Variants in SPIN1 observed in about 807,000 individuals in gnomAD.
The protein encoded by SPIN1 is spindlin 1.
Under a neutral mutation model 26.0 loss-of-function variants are expected in SPIN1, and 3 were observed. The observed-to-expected ratio is 0.12, with a 90% confidence interval of 0.05 to 0.30. The LOEUF (loss-of-function observed/expected upper bound fraction) is 0.30, where lower values mean the gene tolerates loss of function less well. Among genes scored for constraint, SPIN1 ranks in the 10% least tolerant of loss-of-function variants. The pLI, the probability that SPIN1 is intolerant of heterozygous loss-of-function variation, is 1.00. For synonymous variants in SPIN1, 101 were observed against 116.5 expected (o/e 0.87, Z 0.86); for missense variants, 126 against 333.4 (o/e 0.38, Z 4.84).
At chr9:88,424,313 GTAT>G (rs2118015097) in intron 1 of SPIN1, among the ~76,000 whole-genome samples, 1 of 152,244 alleles carries the variant, frequency 6.6e-6, no homozygotes, top group Admixed American at 6.5e-5. Flanking sequence ...GCTGTGGGTA[GTAT>G]TGTTGAATGC....
At chr9:88,410,162 A>AGTGTGTGTGTGTGTGTGT (rs138037814) in intron 1 of SPIN1, among the ~76,000 whole-genome samples, 3 of 132,998 alleles carry the variant, frequency 2.3e-5, no homozygotes, top group African/African-American at 8.6e-5. Context: ...GCATATATTT[A>AGTGTGTGTGTGTGTGTGT]GTGTGTGTGT....
In SPIN1 at chr9:88,452,865, TAGG is replaced by T. The variant is rs200883129; in HGVS notation, c.101+3879_101+3881del. 1.1e-4 allele frequency among the ~76,000 whole-genome samples: 17 copies of T among 152,216 alleles called. No homozygotes were observed. In the East Asian group the frequency reaches 3.3e-3, roughly 29 times the overall value. ...TTCTAAAATCTACTGTAGCCCAGAG[TAGG>T]AGAATTGCTTTATTACAATACCAAA... On this transcript the variant is annotated intron_variant, in intron 3 of 5. Coordinates refer to ENST00000375859, the MANE Select transcript of SPIN1 (RefSeq NM_006717.3).
intron 2 of SPIN1, among the ~76,000 whole-genome samples, chr9:88,436,243 C>T (rs1475496137): frequency 6.6e-6 from 1 of 152,148 alleles, no homozygotes; most frequent in Non-Finnish European, 1.5e-5. Context: ...CTTTCTAGCT[C>T]AGTGTTGATG....
At position 88,474,577 on chromosome 9, in the gene SPIN1, G is replaced by A. The variant is rs3010863; in HGVS notation, c.590-501G>A. ...AAGGATTCACAGAGTAAAACCAATG[G>A]TACTTAGGCATTTTAAATGTGTGCC... On this transcript the variant is annotated intron_variant, in intron 5 of 5. Coordinates refer to ENST00000375859, the MANE Select transcript of SPIN1 (RefSeq NM_006717.3). Among the ~76,000 whole-genome samples, 1,262 of 152,258 alleles carry A rather than the reference G, an allele frequency of 8.3e-3. 11 individuals are homozygous for A. The highest frequency in any genetic ancestry group is 0.037 in the Middle Eastern group (11 of 294).
intron 5 of SPIN1, among the ~76,000 whole-genome samples, chr9:88,470,780 G>T (rs1278010889): frequency 6.6e-6 from 1 of 152,144 alleles, no homozygotes; most frequent in Non-Finnish European, 1.5e-5. Context: ...TTTTAGTGGA[G>T]ATGGGGTTTC....
intron 2 of SPIN1, among the ~76,000 whole-genome samples, chr9:88,441,585 C>A (rs994142945): frequency 6.6e-6 from 1 of 151,434 alleles, no homozygotes; most frequent in African/African-American, 2.4e-5. Context: ...TAGTGAGACC[C>A]CATCTCTATG....
At chr9:88,414,991 C>T (rs891480216) in intron 1 of SPIN1, among the ~76,000 whole-genome samples, 3 of 151,994 alleles carry the variant, frequency 2.0e-5, no homozygotes, top group African/African-American at 7.3e-5. Context: ...GCAACCTCCA[C>T]CTCCTGGGTT....
chr9:88,418,771 T>C (rs1013132337), intron 1 of SPIN1: 2 of 152,212 alleles, frequency 1.3e-5, no homozygotes, highest in African/African-American at 2.4e-5. Context: ...TGTTTATTTT[T>C]AAATAGGAAG....
intron 2 of SPIN1, among the ~76,000 whole-genome samples, chr9:88,430,132 CAA>C (rs1827838192): frequency 6.6e-6 from 1 of 151,950 alleles, no homozygotes; most frequent in African/African-American, 2.4e-5. Flanking sequence ...GAAAAATCAC[CAA>C]AAAAGGGTTT....
intron 2 of SPIN1, among the ~76,000 whole-genome samples, chr9:88,440,743 C>T (rs1828105392): frequency 6.6e-6 from 1 of 151,462 alleles, no homozygotes; most frequent in Non-Finnish European, 1.5e-5. Flanking sequence ...CCACGCCAAG[C>T]TATTTCTTGT....
intron 2 of SPIN1, among the ~76,000 whole-genome samples, chr9:88,441,712 C>T (rs1394095970): frequency 2.0e-5 from 3 of 151,100 alleles, no homozygotes; most frequent in Non-Finnish European, 2.9e-5. Context: ...GCCATAATCG[C>T]ACCACCGCAG....
At chr9:88,440,291 G>A (rs1828092801) in intron 2 of SPIN1, among the ~76,000 whole-genome samples, 1 of 147,722 alleles carries the variant, frequency 6.8e-6, no homozygotes, top group South Asian at 2.2e-4. Flanking sequence ...CCCTTCCTTA[G>A]CATATCAAGG....
chr9:88,395,312 C>CT (rs1358384500), intron 1 of SPIN1, among the ~76,000 whole-genome samples: 5 of 151,678 alleles, frequency 3.3e-5, no homozygotes, highest in African/African-American at 1.2e-4. Context: ...TTTTGTTTCC[C>CT]TTTCCTACAC....
chr9:88,403,201 A>G (rs1827226787), intron 1 of SPIN1, among the ~76,000 whole-genome samples: 3 of 152,038 alleles, frequency 2.0e-5, no homozygotes, highest in Admixed American at 2.0e-4. Flanking sequence ...TTTGTCATGA[A>G]TGGTTTGCAC....
intron 1 of SPIN1, among the ~76,000 whole-genome samples, chr9:88,405,978 G>A (rs193231699): frequency 1.3e-5 from 2 of 151,078 alleles, no homozygotes; most frequent in South Asian, 2.1e-4. Flanking sequence ...GACTACAGGC[G>A]CATGCCACCG....
intron 5 of SPIN1, among the ~76,000 whole-genome samples, chr9:88,473,326 G>A (rs1799633863): frequency 1.3e-5 from 2 of 152,222 alleles, no homozygotes; most frequent in Non-Finnish European, 2.9e-5. Flanking sequence ...CCGGGAGGCA[G>A]AAGTTGCAGC....
chr9:88,477,103 AC>A lies in SPIN1; in HGVS notation c.*1829del, dbSNP rs1828902005. ...GACAAGCTTCTGAAAGCAGTGTGAT[AC>A]CCAAGTCATAGGTGCTTCTCGTATG... On this transcript the variant is annotated 3_prime_UTR_variant, in exon 6 of 6. Transcript: ENST00000375859. The A allele has an allele frequency of 6.6e-6, 1 of 152,162 alleles. No individual in the cohort carries two copies. The highest frequency in any genetic ancestry group is 6.5e-5 in the Admixed American group (1 of 15,278). 9.4% of individuals were successfully genotyped at this position (152,162 alleles called of 1,614,324 possible).
At chr9:88,405,603 G>A (rs571285434) in intron 1 of SPIN1, among the ~76,000 whole-genome samples, 2 of 146,136 alleles carry the variant, frequency 1.4e-5, no homozygotes, top group South Asian at 4.4e-4. Flanking sequence ...GAGTGCAGTG[G>A]CGCGACCTCA....
At chr9:88,408,949 A>G (rs1307389079) in intron 1 of SPIN1, among the ~76,000 whole-genome samples, 9 of 150,114 alleles carry the variant, frequency 6.0e-5, no homozygotes, top group Admixed American at 4.0e-4. Flanking sequence ...GGCGTGAGCC[A>G]CAGCGCCCGG....
Sources: gnomAD v4.1 joint callset for allele counts (sites outside exome capture counted in the v4.1 genomes callset) on GRCh38, gnomAD v4.1.1 for gene constraint, MANE v1.5 for transcripts, NCBI Gene and HGNC (gene_info 2026-07-23, HGNC 2026-07-21) for gene names.